Variants in EDEM2 observed in about 807,000 individuals in gnomAD.
The protein encoded by EDEM2 is ER degradation-enhancing alpha-mannosidase-like protein 2.
A neutral mutation model predicts 64.8 loss-of-function variants in EDEM2; 39 were observed. The observed-to-expected ratio is 0.60, with a 90% CI of 0.47 to 0.79. The LOEUF is 0.79. Ranked by LOEUF, EDEM2 falls within the 30% of genes least tolerant of loss-of-function variation. The pLI is 0.00. For synonymous variants in EDEM2, 296 were observed against 291.5 expected (o/e 1.02, Z -0.16); for missense variants, 609 against 731.3 (o/e 0.83, Z 1.93).
chr20:35,118,410 G>C, intron 10 of EDEM2, 188 bp downstream of exon 10: 4 of 800,758 alleles, frequency 5.0e-6, no homozygotes, highest in Non-Finnish European at 7.8e-6. Flanking sequence ...CTAGCTGTGA[G>C]ATCTTTAGCA....
intron 7 of EDEM2, among the ~76,000 whole-genome samples, chr20:35,129,133 ACGGTGGCT>A (rs1802689870): frequency 6.6e-6 from 1 of 152,162 alleles, no homozygotes; most frequent in African/African-American, 2.4e-5. Flanking sequence ...TAGGCCAGGC[ACGGTGGCT>A]CACGCCTGTA....
intron 7 of EDEM2, 27 bp from the exon 8 acceptor site, chr20:35,126,402 A>G: frequency 6.2e-7 from 1 of 1,611,732 alleles, no homozygotes. Context: ...GGGATAATGG[A>G]CATATGAGTG....
At chr20:35,128,383 C>A (rs2085464466) in intron 7 of EDEM2, among the ~76,000 whole-genome samples, 1 of 143,624 alleles carries the variant, frequency 7.0e-6, no homozygotes, top group African/African-American at 2.7e-5. Context: ...ACTCTGTCTC[C>A]AAAAAAAATA....
rs774481642 is a variant in EDEM2 at position 35,123,880 on chromosome 20, T to C, written c.1114+10A>G. ...CTGTGGGCAGATGACAAGCCAGAAA[T>C]GCTGCTCACCTGGCCGAAGTGGGTA... On this transcript the variant is annotated intron_variant, in intron 9 of 10. Coordinates refer to ENST00000374492, the MANE Select transcript of EDEM2 (RefSeq NM_018217.3). 1.4e-5 allele frequency: 22 copies of C among 1,612,728 alleles called. No individual in the cohort carries two copies. Among genetic ancestry groups the C allele is most frequent in the Middle Eastern group, 1.8e-4 (1 of 5,706 alleles).
At chr20:35,116,605 C>T (rs2085312288) in intron 10 of EDEM2, among the ~76,000 whole-genome samples, 1 of 152,182 alleles carries the variant, frequency 6.6e-6, no homozygotes, top group Non-Finnish European at 1.5e-5. Flanking sequence ...AATGCTTCCT[C>T]ACCAGAAAGG....
Position 35,138,025 on chromosome 20 carries a change from CA to C in EDEM2, c.365-21del, listed in dbSNP as rs1207148424. The C allele has an allele frequency of 6.2e-7, 1 of 1,613,026 alleles. No individual in the cohort carries two copies. Among genetic ancestry groups the C allele is most frequent in the African/African-American group, 1.3e-5 (1 of 75,008 alleles). On this transcript the variant is annotated intron_variant, in intron 4 of 10. Coordinates refer to ENST00000374492, the MANE Select transcript of EDEM2 (RefSeq NM_018217.3). ...CTACCACTACAGATGGCACAGAAAG[CA>C]AATGGCACAGTCCAAAGGGAAAGAC... is the stretch of plus-strand genomic sequence containing the variant.
At chr20:35,128,513 C>T (rs2085466360) in intron 7 of EDEM2, among the ~76,000 whole-genome samples, 1 of 149,054 alleles carries the variant, frequency 6.7e-6, no homozygotes, top group Non-Finnish European at 1.5e-5. Context: ...TTGCAGTGAG[C>T]CGAGATGGTG....
intron 6 of EDEM2, among the ~76,000 whole-genome samples, chr20:35,133,022 G>A (rs2085527040): frequency 6.6e-6 from 1 of 152,192 alleles, no homozygotes; most frequent in Non-Finnish European, 1.5e-5. Context: ...AGGGGGAAGT[G>A]AGGCAGGGCA....
At chr20:35,146,727 C>G (rs2085737910) in intron 2 of EDEM2, 98 bp downstream of exon 2, 1 of 1,303,862 alleles carries the variant, frequency 7.7e-7, no homozygotes, top group Non-Finnish European at 1.1e-6. Flanking sequence ...TTTCTGGTGC[C>G]GGTGAGGAGA....
intron 7 of EDEM2, among the ~76,000 whole-genome samples, chr20:35,126,807 G>T (rs1167920557): frequency 6.6e-6 from 1 of 152,208 alleles, no homozygotes; most frequent in African/African-American, 2.4e-5. Context: ...AGCTACTTGG[G>T]AGGCTGAGGA....
chr20:35,121,451 G>A (rs2085367637), intron 9 of EDEM2, among the ~76,000 whole-genome samples: 1 of 152,206 alleles, frequency 6.6e-6, no homozygotes, highest in Admixed American at 6.5e-5. Flanking sequence ...TATAAATATA[G>A]ATGAAGCTTT....
At position 35,128,270 on chromosome 20, in the gene EDEM2, CT is replaced by C. The variant is rs555371052; in HGVS notation, c.845-1896del. ...TGGTGGCGGGCGCCTGTAATCCCAG[CT>C]ACTCGGGAGGCTGAGGCAGGAGAAT... On this transcript the variant is annotated intron_variant, in intron 7 of 10. Transcript: ENST00000374492. 9.0e-3 allele frequency among the ~76,000 whole-genome samples: 1,342 copies of C among 148,924 alleles called. 11 individuals are homozygous for C. Among genetic ancestry groups the C allele is most frequent in the African/African-American group, 0.018 (711 of 39,670 alleles).
intron 7 of EDEM2, among the ~76,000 whole-genome samples, chr20:35,129,126 G>GC (rs1338378254): frequency 6.6e-6 from 1 of 152,072 alleles, no homozygotes; most frequent in Non-Finnish European, 1.5e-5. Flanking sequence ...CAAAAATTAG[G>GC]CCAGGCACGG....
At chr20:35,140,938 G>T (rs1026347654) in intron 4 of EDEM2, among the ~76,000 whole-genome samples, 4 of 151,936 alleles carry the variant, frequency 2.6e-5, no homozygotes, top group African/African-American at 7.3e-5. Flanking sequence ...TGGCCAACAT[G>T]GTGAAACCCC....
At chr20:35,115,965 C>T in intron 10 of EDEM2, 32 bp from the exon 11 acceptor site, 1 of 1,598,202 alleles carries the variant, frequency 6.3e-7, no homozygotes, top group Non-Finnish European at 8.5e-7. Context: ...CAAGCTGGAA[C>T]ACCATCACAA....
chr20:35,131,560 T>A, intron 7 of EDEM2, 82 bp downstream of exon 7: 1 of 1,539,566 alleles, frequency 6.5e-7, no homozygotes, highest in Non-Finnish European at 8.8e-7. Flanking sequence ...AGCAAGACTC[T>A]GTCTCAAAAA....
At chr20:35,128,606 C>T (rs1298264297) in intron 7 of EDEM2, among the ~76,000 whole-genome samples, 1 of 148,858 alleles carries the variant, frequency 6.7e-6, no homozygotes. Flanking sequence ...GCAGGTCCTT[C>T]AAGGAATTCC....
At chr20:35,120,761 C>A (rs558698413) in intron 9 of EDEM2, among the ~76,000 whole-genome samples, 104 of 152,058 alleles carry the variant, frequency 6.8e-4, no homozygotes, top group Non-Finnish European at 9.1e-4. Context: ...CCGTGCCCGG[C>A]TAATTTTTGT....
chr20:35,121,671 T>C (rs1480406289), intron 9 of EDEM2, among the ~76,000 whole-genome samples: 2 of 152,226 alleles, frequency 1.3e-5, no homozygotes, highest in Non-Finnish European at 2.9e-5. Context: ...CAGAGAGACA[T>C]ATACGAAAGT....
Sources: gnomAD v4.1 joint callset for allele counts (sites outside exome capture counted in the v4.1 genomes callset) on GRCh38, gnomAD v4.1.1 for gene constraint, MANE v1.5 for transcripts, NCBI Gene and HGNC (gene_info 2026-07-23, HGNC 2026-07-21) for gene names.